Variants in GSE1 observed in about 807,000 individuals in gnomAD.
GSE1 encodes genetic suppressor element 1.
GSE1 carries 32 observed loss-of-function variants against 112.6 expected under a neutral mutation model. The observed-to-expected ratio is 0.28, with a 90% CI of 0.21 to 0.38. The LOEUF is 0.38. Ranked by LOEUF, GSE1 falls within the 10% of genes least tolerant of loss-of-function variation. The pLI is 1.00. For missense variants in GSE1, 2,348 were observed against 1,699.2 expected (o/e 1.38, Z -6.71); for synonymous variants, 1,115 against 735.6 (o/e 1.52, Z -8.35).
At chr16:85,605,866 G>T (rs1034410492) in intron 1 of GSE1, among the ~76,000 whole-genome samples, 10 of 151,602 alleles carry the variant, frequency 6.6e-5, no homozygotes, top group Admixed American at 2.0e-4. Flanking sequence ...CTCATGGGCG[G>T]CCCAGGAGCT....
chr16:85,632,610 G>A (rs1006319183), intron 1 of GSE1, among the ~76,000 whole-genome samples: 1 of 152,316 alleles, frequency 6.6e-6, no homozygotes, highest in African/African-American at 2.4e-5. Context: ...ATGTCACTTA[G>A]AATCTGGCAG....
chr16:85,210,327 T>G (rs1045503195), intron 1 of GSE1, among the ~76,000 whole-genome samples: 1 of 152,142 alleles, frequency 6.6e-6, no homozygotes, highest in South Asian at 2.1e-4. Context: ...CACAGTAAGG[T>G]GTGATTGACA....
upstream of GSE1, among the ~76,000 whole-genome samples, chr16:85,607,368 C>G (rs755221578): frequency 6.6e-6 from 1 of 152,254 alleles, no homozygotes; most frequent in Non-Finnish European, 1.5e-5. Flanking sequence ...CTCTCCCGCC[C>G]GCTTTCCAGC....
chr16:85,463,998 A>C (rs1171472841), intron 2 of GSE1, among the ~76,000 whole-genome samples: 1 of 152,064 alleles, frequency 6.6e-6, no homozygotes, highest in African/African-American at 2.4e-5. Flanking sequence ...TGGCCTCAGG[A>C]CTGCTTCTTC....
At chr16:85,258,956 C>T (rs983447399) in intron 1 of GSE1, among the ~76,000 whole-genome samples, 2 of 152,202 alleles carry the variant, frequency 1.3e-5, no homozygotes, top group Non-Finnish European at 2.9e-5. Flanking sequence ...ACTGCTCCCC[C>T]TTCTTCTCTG....
chr16:85,448,862 G>A (rs1418385779), intron 2 of GSE1, among the ~76,000 whole-genome samples: 1 of 152,216 alleles, frequency 6.6e-6, no homozygotes, highest in Admixed American at 6.5e-5. Flanking sequence ...TGGAGAAATC[G>A]GTAATGAAGT....
Position 85,657,355 on chromosome 16 carries a change from C to T in GSE1, c.1391C>T (p.Thr464Met), listed in dbSNP as rs201884979. The T allele has an allele frequency of 2.5e-5, 40 of 1,610,996 alleles. No homozygotes were observed. Among genetic ancestry groups the T allele is most frequent in the African/African-American group, 4.0e-5 (3 of 75,002 alleles). Reference sequence around the variant, plus strand: ...CATCCGGTGCCCACCCCACACCACACGGTGCCCAGCCTCATCTCCAACCAT... The same window carrying T: ...CATCCGGTGCCCACCCCACACCACATGGTGCCCAGCCTCATCTCCAACCAT... ...PLHPVPTPHH[T>M]VPSLISNHGI... Residue 464 changes from threonine to methionine, a missense_variant, in exon 8 of 16, where the codon ACG becomes ATG. Coordinates refer to ENST00000253458, the MANE Select transcript of GSE1 (RefSeq NM_014615.5).
chr16:85,306,552 T>C (rs1050427865), intron 1 of GSE1, among the ~76,000 whole-genome samples: 1 of 152,246 alleles, frequency 6.6e-6, no homozygotes, highest in African/African-American at 2.4e-5. Context: ...CTAGCCTTTT[T>C]TTAAAAATTG....
chr16:85,537,010 G>A (rs1181108489), intron 2 of GSE1, among the ~76,000 whole-genome samples: 2 of 152,288 alleles, frequency 1.3e-5, no homozygotes, highest in Admixed American at 6.5e-5. Flanking sequence ...GCCCCACCCC[G>A]ACGAGTGGGC....
chr16:85,672,410 G>A lies in GSE1; in HGVS notation c.3525G>A (p.Leu1175=), dbSNP rs1249211393. Residue 1175 remains leucine, a synonymous_variant, in exon 16 of 16, where the codon TTG becomes TTA. Transcript: ENST00000253458. The part of the protein sequence containing the change: ...AEQLSHSVAE[L]RSQKQKMVSE... ...ACAAATTTCCCTCTCTCCAGGAGTT[G>A]AGGAGCCAGAAACAGAAGATGGTCT... is the stretch of plus-strand genomic sequence containing the variant. 2.5e-6 allele frequency: 4 copies of A among 1,611,334 alleles called. No homozygotes were observed. The Middle Eastern group carries it at 5.0e-4, about 200-fold the overall frequency.
intron 1 of GSE1, among the ~76,000 whole-genome samples, chr16:85,257,391 A>T (rs555539500): frequency 6.6e-6 from 1 of 152,144 alleles, no homozygotes; most frequent in Non-Finnish European, 1.5e-5. Flanking sequence ...GATTACAGGC[A>T]TGAGCCACCA....
intron 1 of GSE1, among the ~76,000 whole-genome samples, chr16:85,296,439 T>C (rs1364265326): frequency 6.6e-6 from 1 of 152,066 alleles, no homozygotes; most frequent in Non-Finnish European, 1.5e-5. Context: ...ACCCCGACTC[T>C]GCTAAAATAC....
chr16:85,216,763 G>A (rs901913201), intron 1 of GSE1, among the ~76,000 whole-genome samples: 1 of 152,202 alleles, frequency 6.6e-6, no homozygotes, highest in Admixed American at 6.5e-5. Context: ...TCCAGCCTCT[G>A]GGGGACTCCC....
chr16:85,324,698 C>T (rs1302667774), intron 1 of GSE1, among the ~76,000 whole-genome samples: 2 of 151,928 alleles, frequency 1.3e-5, no homozygotes, highest in Admixed American at 6.6e-5. Flanking sequence ...ATAAAAGGAA[C>T]GAACACAGAG....
At chr16:85,532,384 C>T (rs1243996918) in intron 2 of GSE1, among the ~76,000 whole-genome samples, 1 of 152,198 alleles carries the variant, frequency 6.6e-6, no homozygotes, top group Non-Finnish European at 1.5e-5. Flanking sequence ...ACTCAGCCTC[C>T]CGAGTAGCTG....
chr16:85,546,932 T>C (rs528417428), intron 2 of GSE1, among the ~76,000 whole-genome samples: 1 of 152,246 alleles, frequency 6.6e-6, no homozygotes, highest in East Asian at 1.9e-4. Context: ...CGTCCGATGA[T>C]CTCCGGGGGC....
At chr16:85,283,362 AC>A in intron 1 of GSE1, 1 of 152,514 alleles carries the variant, frequency 6.6e-6, no homozygotes, top group Non-Finnish European at 1.5e-5. Flanking sequence ...GTGGGTGCCA[AC>A]CCCCTGCGCC....
chr16:85,666,266 C>T lies in GSE1; in HGVS notation c.3049C>T (p.Pro1017Ser), dbSNP rs1567761123. ...STNGKSKPWE[P>S]FVAEEFAHQF... is the part of the protein sequence containing the mutation. ...CAATGGGAAGAGCAAGCCGTGGGAGCCCTTTGTGGCAGAAGAGTTTGCACA... is the reference window on the plus strand; with the variant it reads ...CAATGGGAAGAGCAAGCCGTGGGAGTCCTTTGTGGCAGAAGAGTTTGCACA... Residue 1017 changes from proline (P) to serine (S), a missense_variant, in exon 13 of 16, where the codon CCC becomes TCC. By Grantham distance (74) the Pro-to-Ser change is moderately conservative. Transcript: ENST00000253458. 6.2e-7 allele frequency: 1 copy of T among 1,613,862 alleles called. No individual in the cohort carries two copies. The highest frequency in any genetic ancestry group is 1.7e-5 in the Admixed American group (1 of 60,030).
At chr16:85,296,449 C>CA (rs965305226) in intron 1 of GSE1, among the ~76,000 whole-genome samples, 9 of 151,660 alleles carry the variant, frequency 5.9e-5, no homozygotes, top group African/African-American at 1.7e-4. Context: ...TGCTAAAATA[C>CA]AAAAAAAATT....
Sources: gnomAD v4.1 joint callset for allele counts (sites outside exome capture counted in the v4.1 genomes callset) on GRCh38, gnomAD v4.1.1 for gene constraint, MANE v1.5 for transcripts, NCBI Gene and HGNC (gene_info 2026-07-23, HGNC 2026-07-21) for gene names.